HNRNPK: variants seen among roughly 807,000 people sequenced by gnomAD.
HNRNPK encodes dC-stretch binding protein.
In HNRNPK, 7 loss-of-function variants were observed where a neutral mutation model predicts 67.0. The ratio of observed to expected loss-of-function variants is 0.10; its 90% CI spans 0.06 to 0.20. The LOEUF (loss-of-function observed/expected upper bound fraction) is 0.20, where lower values mean the gene tolerates loss of function less well. Among genes scored for constraint, HNRNPK ranks in the 10% least tolerant of loss-of-function variants. The probability of loss-of-function intolerance (pLI) is 1.00; values close to 1 mark genes in which losing one functional copy is unlikely to be tolerated. For synonymous variants in HNRNPK, 213 were observed against 193.7 expected, an observed-to-expected ratio of 1.10 and a Z score of -0.83; for missense variants, 264 against 606.5, an observed-to-expected ratio of 0.44 and a Z score of 5.93.
chr9:83,975,987 G>A (rs1198409108), intron 5 of HNRNPK, among the ~76,000 whole-genome samples: 2 of 152,112 alleles, frequency 1.3e-5, no homozygotes, highest in South Asian at 4.1e-4. Flanking sequence ...TGAAATTCTT[G>A]AGGAAATGGG....
In HNRNPK at chr9:83,971,320, T is replaced by A; in HGVS notation, c.1045A>T (p.Ile349Leu). The A allele has an allele frequency of 6.2e-7, 1 of 1,612,764 alleles. No individual in the cohort carries two copies. The highest frequency in any genetic ancestry group is 8.5e-7 in the Non-Finnish European group (1 of 1,178,756). The change falls in exon 13 of 17, where the codon ATA becomes TTA. Residue 349 changes from isoleucine to leucine, a missense_variant. Ile to Leu is a conservative substitution (Grantham distance 5, BLOSUM62 2). Around this residue, in one of 6 missense-constraint regions of HNRNPK, gnomAD observed 142 missense variants for 256.5 expected, o/e 0.55. Coordinates refer to ENST00000376263, the MANE Select transcript of HNRNPK (RefSeq NM_031263.4). ...CATTCTGATGGGCTCCATGTATCTA[T>A]TGCAGAGTCCCAAGTTTCATCAGCA... is the stretch of plus-strand genomic sequence containing the variant. ...FSADETWDSA[I>L]DTWSPSEWQM...
rs1957284698 is a variant in HNRNPK, at chr9:83,979,743, G to A, written c.-108+410C>T. On this transcript the variant is annotated intron_variant, in intron 1 of 16. Coordinates refer to ENST00000376263, the MANE Select transcript of HNRNPK (RefSeq NM_031263.4). ...CCCCCGCATCCTCCCCCCACTGCCC[G>A]AGACAAAGCCATCGAGGCAGCCCTG... 2.4e-5 allele frequency among the ~76,000 whole-genome samples: 3 copies of A among 123,974 alleles called. No homozygotes were observed. The Admixed American group carries it at 2.8e-4, about 12-fold the overall frequency. 81.3% of individuals were successfully genotyped at this position (123,974 alleles called of 152,430 possible).
Position 83,973,192 on chromosome 9 carries a change from A to C in HNRNPK, c.516+94T>G. ...TTTGCGATAAGCAATCTTTGGAGGG[A>C]ACTGAGAGGGGAAGCGAGAGAAGCT... On this transcript the variant is annotated intron_variant, in intron 9 of 16. Coordinates refer to ENST00000376263, the MANE Select transcript of HNRNPK (RefSeq NM_031263.4). 3 of 831,602 alleles carry C rather than the reference A, an allele frequency of 3.6e-6. 1 individual carries two copies. In the South Asian group the frequency reaches 4.4e-5, roughly 12 times the overall value. The allele number at this position is 831,602 out of a possible 1,614,324, so 51.5% of individuals were successfully genotyped here.
In HNRNPK at chr9:83,968,825, C is replaced by CT. The variant is rs1435426003; in HGVS notation, c.*581dup. On this transcript the variant is annotated 3_prime_UTR_variant, in exon 17 of 17. Coordinates refer to ENST00000376263, the MANE Select transcript of HNRNPK (RefSeq NM_031263.4). The stretch of plus-strand genomic sequence containing the variant: ...TCCAACAGAGGAGCTGAAAATTAAA[C>CT]TTAGTGTTTAGTTTGGGGGTGGGTT... The CT allele has an allele frequency of 3.3e-5, 5 of 153,010 alleles. No homozygotes were observed. The highest frequency in any genetic ancestry group is 1.2e-4 in the African/African-American group (5 of 41,386). The allele number at this position is 153,010 out of a possible 1,614,324, so 9.5% of individuals were successfully genotyped here.
chr9:83,971,784 C>A, intron 11 of HNRNPK, 58 bp from the exon 12 acceptor site: 1 of 1,597,356 alleles, frequency 6.3e-7, no homozygotes, highest in South Asian at 1.1e-5. Flanking sequence ...CATATCAAAT[C>A]AAAGTCTACC....
At chr9:83,969,787 T>C (rs760333621) in intron 16 of HNRNPK, 5 of 635,494 alleles carry the variant, frequency 7.9e-6, no homozygotes, top group Non-Finnish European at 1.5e-5. Context: ...AGACTGTGAT[T>C]TGTTGTCGAT....
intron 6 of HNRNPK, 135 bp downstream of exon 6, chr9:83,975,327 G>A: frequency 1.2e-6 from 1 of 808,866 alleles, no homozygotes; most frequent in Non-Finnish European, 2.0e-6. Flanking sequence ...AAGACTTAAT[G>A]GGGAAAATAA....
At chr9:83,972,801 T>G in intron 10 of HNRNPK, 43 bp downstream of exon 10, 1 of 1,498,924 alleles carries the variant, frequency 6.7e-7, no homozygotes, top group Non-Finnish European at 9.1e-7. Context: ...GTTATCACTT[T>G]GTTTCATAAA....
chr9:83,972,726 A>C lies in HNRNPK; in HGVS notation c.645+118T>G, dbSNP rs537225729. 5.8e-6 allele frequency: 4 copies of C among 687,704 alleles called. No homozygotes were observed. The East Asian group carries it at 8.8e-5, about 15-fold the overall frequency. The allele number at this position is 687,704 out of a possible 1,614,324, so 42.6% of individuals were successfully genotyped here. A position where few individuals can be genotyped will look rare whatever the true frequency, so the allele number is the denominator to read the frequency against. On this transcript the variant is annotated intron_variant, in intron 10 of 16. Transcript: ENST00000376263. ...TGATGGCTGAAGCCAGGTGATAGAA[A>C]ATTGCTAGGGAAAGGGCAAATAAAG... is the stretch of plus-strand genomic sequence containing the variant.
At chr9:83,977,848 G>A in intron 3 of HNRNPK, 62 bp from the exon 4 acceptor site, 3 of 1,016,136 alleles carry the variant, frequency 3.0e-6, no homozygotes, top group Non-Finnish European at 4.6e-6. Context: ...ACTCCATTCT[G>A]TTTCAAGAGA....
intron 3 of HNRNPK, 30 bp from the exon 4 acceptor site, chr9:83,977,816 A>G: frequency 7.4e-7 from 1 of 1,354,210 alleles, no homozygotes; most frequent in Non-Finnish European, 1.1e-6. Context: ...ATTTCAAAGA[A>G]AGCAGCGAAG....
intron 15 of HNRNPK, 128 bp downstream of exon 15, chr9:83,970,609 A>C (rs1166015863): frequency 7.0e-6 from 5 of 713,446 alleles, no homozygotes; most frequent in Non-Finnish European, 1.2e-5. Context: ...AGCTCACTAA[A>C]GCCCATTAAC....
chr9:83,969,188 C>A lies in HNRNPK; in HGVS notation c.*219G>T, dbSNP rs933936355. The stretch of plus-strand genomic sequence containing the variant: ...TAGTTTTTGCACGCCCTTCCCCCCC[C>A]CAACCCTGTTTGTAAGGAACTAAAA... On this transcript the variant is annotated 3_prime_UTR_variant, in exon 17 of 17. Transcript: ENST00000376263. 5.1e-5 allele frequency: 29 copies of A among 566,348 alleles called. No homozygotes were observed. Among genetic ancestry groups the A allele is most frequent in the African/African-American group, 2.3e-4 (12 of 52,382 alleles). 35.1% of individuals were successfully genotyped at this position (566,348 alleles called of 1,614,324 possible). A position where few individuals can be genotyped will look rare whatever the true frequency, so the allele number is the denominator to read the frequency against.
At chr9:83,971,105 C>A in intron 13 of HNRNPK, 168 bp downstream of exon 13, 1 of 728,918 alleles carries the variant, frequency 1.4e-6, no homozygotes, top group South Asian at 1.6e-5. Context: ...CTGCACCCAG[C>A]TTCACTATTC....
chr9:83,973,030 G>C (rs1956922641), intron 9 of HNRNPK, 58 bp from the exon 10 acceptor site: 4 of 1,306,106 alleles, frequency 3.1e-6, no homozygotes, highest in Non-Finnish European at 4.2e-6. Flanking sequence ...GCTTTCCTAG[G>C]TTCAGTGAAA....
Position 83,973,083 on chromosome 9 carries a change from CTTCA to C in HNRNPK, c.517-115_517-112del. 5 of 836,492 alleles carry C rather than the reference CTTCA, an allele frequency of 6.0e-6. No individual in the cohort carries two copies. The South Asian group carries it at 7.3e-5, about 12-fold the overall frequency. The allele number at this position is 836,492 out of a possible 1,614,324, so 51.8% of individuals were successfully genotyped here. A position where few individuals can be genotyped will look rare whatever the true frequency, so the allele number is the denominator to read the frequency against. ...CAATTAACCCCCCACAATATAAAAA[CTTCA>C]TTAATTATCACAGGGCTTTGCAATG... On this transcript the variant is annotated intron_variant, in intron 9 of 16. Transcript: ENST00000376263.
chr9:83,974,439 C>T, intron 7 of HNRNPK, 78 bp downstream of exon 7: 1 of 666,132 alleles, frequency 1.5e-6, no homozygotes, highest in Non-Finnish European at 2.6e-6. Context: ...TCCACCTCCC[C>T]CATCATACCC....
intron 5 of HNRNPK, 188 bp downstream of exon 5, chr9:83,976,807 A>C: frequency 6.8e-6 from 3 of 439,700 alleles, no homozygotes; most frequent in Non-Finnish European, 8.1e-6. Context: ...CCACCCCCCC[A>C]CCCTGCTCAA....
chr9:83,971,510 G>A (rs904463804), intron 12 of HNRNPK, among the ~76,000 whole-genome samples, 154 bp from the exon 13 acceptor site: 16 of 152,272 alleles, frequency 1.1e-4, no homozygotes, highest in African/African-American at 2.9e-4. Context: ...CAATAAAGTC[G>A]TAATCCTCCA....
Sources: allele counts gnomAD v4.1 joint callset (sites outside exome capture counted in the v4.1 genomes callset), GRCh38; gene constraint gnomAD v4.1.1; regional missense constraint gnomAD v4.1.1; transcripts MANE v1.5; gene names NCBI Gene and HGNC (gene_info 2026-07-23, HGNC 2026-07-21).